Variants in ADAM12 observed in about 807,000 individuals in gnomAD.
The protein encoded by ADAM12 is disintegrin and metalloproteinase domain-containing protein 12.
A neutral mutation model predicts 106.4 loss-of-function variants in ADAM12; 70 were observed. The observed-to-expected ratio is 0.66, with a 90% CI of 0.54 to 0.80. The LOEUF (loss-of-function observed/expected upper bound fraction) is 0.80. Ranked by LOEUF, ADAM12 falls within the 30% of genes least tolerant of loss-of-function variation. The pLI is 0.00. For synonymous variants in ADAM12, 420 were observed against 433.5 expected (o/e 0.97, Z 0.39); for missense variants, 1,010 against 1,171.9 (o/e 0.86, Z 2.02).
At chr10:126,025,131 G>C (rs1673974275) in intron 21 of ADAM12, among the ~76,000 whole-genome samples, 1 of 152,164 alleles carries the variant, frequency 6.6e-6, no homozygotes, top group African/African-American at 2.4e-5. Flanking sequence ...AAAAGCCAGA[G>C]TGCCACTTTT....
At chr10:126,234,577 T>C (rs1250838541) in intron 3 of ADAM12, among the ~76,000 whole-genome samples, 1 of 152,176 alleles carries the variant, frequency 6.6e-6, no homozygotes, top group African/African-American at 2.4e-5. Context: ...TGGAGGAGGA[T>C]ATGGAGAGAG....
At chr10:126,274,172 G>A (rs145035198) in intron 3 of ADAM12, among the ~76,000 whole-genome samples, 21 of 152,296 alleles carry the variant, frequency 1.4e-4, no homozygotes, top group East Asian at 1.4e-3. Context: ...ACCCCTGACC[G>A]TAAGGATGTC....
At chr10:126,312,020 T>C (rs1186409260) in intron 2 of ADAM12, among the ~76,000 whole-genome samples, 1 of 150,894 alleles carries the variant, frequency 6.6e-6, no homozygotes, top group African/African-American at 2.4e-5. Context: ...GAGCATCTTG[T>C]GGGATGGAAC....
intron 11 of ADAM12, among the ~76,000 whole-genome samples, chr10:126,077,549 T>C (rs185357725): frequency 6.6e-6 from 1 of 152,168 alleles, no homozygotes; most frequent in East Asian, 1.9e-4. Flanking sequence ...AACAGACACA[T>C]AGACCAATGG....
chr10:126,208,054 T>A (rs1296933569), intron 3 of ADAM12, among the ~76,000 whole-genome samples: 1 of 152,252 alleles, frequency 6.6e-6, no homozygotes, highest in East Asian at 1.9e-4. Context: ...ATATCCATTT[T>A]CAAACTCTGT....
intron 18 of ADAM12, among the ~76,000 whole-genome samples, chr10:126,039,923 C>T (rs1298688733): frequency 6.6e-6 from 1 of 152,236 alleles, no homozygotes; most frequent in Non-Finnish European, 1.5e-5. Flanking sequence ...TCTTGCTGGA[C>T]ATCTCAAAGT....
Position 126,064,379 on chromosome 10 carries a change from G to A in ADAM12, c.1609+427C>T, listed in dbSNP as rs1954819078. ...CTAAAATCTCAGTGGTGGTGGGAAA[G>A]TTCTGTCTGTCTGTCCAACTACGTG... On this transcript the variant is annotated intron_variant, in intron 14 of 22. Transcript: ENST00000448723. The surrounding 1 kb of genome is among the most constrained non-coding windows in gnomAD (Gnocchi z 4.4). Among the ~76,000 whole-genome samples the A allele has an allele frequency of 1.3e-5, 2 of 152,214 alleles. No individual in the cohort carries two copies. The highest frequency in any genetic ancestry group is 2.9e-5 in the Non-Finnish European group (2 of 68,036).
chr10:126,301,781 T>C (rs1185748819), intron 2 of ADAM12, among the ~76,000 whole-genome samples: 1 of 152,182 alleles, frequency 6.6e-6, no homozygotes, highest in Non-Finnish European at 1.5e-5. Context: ...CAAAAACACA[T>C]TGGTCTACTC....
chr10:126,225,537 C>T (rs1047912560), intron 3 of ADAM12, among the ~76,000 whole-genome samples: 4 of 152,118 alleles, frequency 2.6e-5, no homozygotes, highest in Admixed American at 1.3e-4. Flanking sequence ...GCCGTGAGCC[C>T]GACTGCATAA....
chr10:126,031,992 A>G (rs541883364), intron 21 of ADAM12, among the ~76,000 whole-genome samples: 3 of 152,304 alleles, frequency 2.0e-5, no homozygotes, highest in South Asian at 2.1e-4. Context: ...GAAGTGGTAC[A>G]TTGCAAAGGT....
chr10:126,111,264 T>C (rs371326259), intron 6 of ADAM12, among the ~76,000 whole-genome samples: 2 of 152,210 alleles, frequency 1.3e-5, no homozygotes, highest in East Asian at 3.9e-4. Context: ...AAGAAGAAAC[T>C]GTTACGCTTT....
chr10:126,263,772 G>A (rs937389921), intron 3 of ADAM12, among the ~76,000 whole-genome samples: 1 of 152,068 alleles, frequency 6.6e-6, no homozygotes, highest in Non-Finnish European at 1.5e-5. Context: ...GTTCCTACAT[G>A]TAAAATTACT....
intron 2 of ADAM12, among the ~76,000 whole-genome samples, chr10:126,303,002 G>A (rs1261255858): frequency 6.6e-6 from 1 of 152,146 alleles, no homozygotes; most frequent in African/African-American, 2.4e-5. Context: ...AAGAACTCAA[G>A]AATGGAGCAA....
intron 3 of ADAM12, among the ~76,000 whole-genome samples, chr10:126,162,571 G>C (rs950638408): frequency 4.6e-5 from 7 of 152,116 alleles, no homozygotes; most frequent in African/African-American, 1.7e-4. Context: ...GCAGACACAA[G>C]CTTCAGAGCC....
intron 3 of ADAM12, among the ~76,000 whole-genome samples, chr10:126,257,916 C>T (rs1327091620): frequency 6.6e-6 from 1 of 152,174 alleles, no homozygotes; most frequent in Non-Finnish European, 1.5e-5. Context: ...TCTTTACAGG[C>T]ACCATGCCTG....
At chr10:126,319,945 C>T (rs913724709) in intron 2 of ADAM12, among the ~76,000 whole-genome samples, 4 of 152,190 alleles carry the variant, frequency 2.6e-5, no homozygotes, top group Non-Finnish European at 5.9e-5. Context: ...TTTCTCTAAA[C>T]ACATGTAGTC....
intron 3 of ADAM12, among the ~76,000 whole-genome samples, chr10:126,161,043 G>A (rs1956922889): frequency 6.6e-6 from 1 of 152,102 alleles, no homozygotes; most frequent in South Asian, 2.1e-4. Context: ...ACCACTATTA[G>A]CCCCCATCGC....
At chr10:126,094,338 C>T (rs1459600269) in intron 10 of ADAM12, among the ~76,000 whole-genome samples, 2 of 152,140 alleles carry the variant, frequency 1.3e-5, no homozygotes, top group East Asian at 1.9e-4. Flanking sequence ...GGGGTCCTTT[C>T]GGCTGAGGAA....
At chr10:126,282,223 C>T (rs1202347675) in intron 2 of ADAM12, among the ~76,000 whole-genome samples, 2 of 152,098 alleles carry the variant, frequency 1.3e-5, no homozygotes, top group African/African-American at 4.8e-5. Context: ...TATAAGGACA[C>T]CAGCCATATA....
Sources: gnomAD v4.1 joint callset for allele counts (sites outside exome capture counted in the v4.1 genomes callset) on GRCh38, gnomAD v4.1.1 for gene constraint, Gnocchi (gnomAD v3.1) non-coding constraint, MANE v1.5 for transcripts, NCBI Gene and HGNC (gene_info 2026-07-23, HGNC 2026-07-21) for gene names.